Variants in SYNPO2 observed in about 807,000 individuals in gnomAD.
The protein encoded by SYNPO2 is synaptopodin 2, also known as synaptopodin-2.
A neutral mutation model predicts 85.0 loss-of-function variants in SYNPO2; 56 were observed. The ratio of observed to expected loss-of-function variants is 0.66; its 90% CI spans 0.53 to 0.82. SYNPO2 has a LOEUF of 0.82. Among genes scored for constraint, SYNPO2 ranks in the 40% least tolerant of loss-of-function variants. The probability of loss-of-function intolerance (pLI) is 0.00; values close to 1 mark genes in which losing one functional copy is unlikely to be tolerated. For missense variants in SYNPO2, 1,575 were observed against 1,534.2 expected, an observed-to-expected ratio of 1.03 and a Z score of -0.44; for synonymous variants, 602 against 591.1, an observed-to-expected ratio of 1.02 and a Z score of -0.27.
At chr4:118,910,878 A>G (rs1733112866) in intron 1 of SYNPO2, among the ~76,000 whole-genome samples, 1 of 151,654 alleles carries the variant, frequency 6.6e-6, no homozygotes, top group South Asian at 2.1e-4. Flanking sequence ...TGTTTTCATG[A>G]CTCCTCTCCC....
intron 1 of SYNPO2, among the ~76,000 whole-genome samples, chr4:119,010,453 G>A (rs1052427340): frequency 6.6e-6 from 1 of 152,142 alleles, no homozygotes; most frequent in African/African-American, 2.4e-5. Context: ...TCACTACCAT[G>A]AGAACAATAT....
chr4:118,900,748 T>TATCTATCTATCTATC (rs1732724538), intron 1 of SYNPO2, among the ~76,000 whole-genome samples: 8 of 135,456 alleles, frequency 5.9e-5, no homozygotes, highest in Admixed American at 5.9e-4. Flanking sequence ...TCTGTCTATC[T>TATCTATCTATCTATC]ATCTATCTAT....
At chr4:118,996,431 T>C (rs1736596009) in intron 1 of SYNPO2, among the ~76,000 whole-genome samples, 1 of 152,184 alleles carries the variant, frequency 6.6e-6, no homozygotes, top group South Asian at 2.1e-4. Flanking sequence ...CCACCCCTAC[T>C]AGCCTGAGTA....
chr4:119,041,296 C>T (rs746661708), intron 4 of SYNPO2, among the ~76,000 whole-genome samples: 4 of 152,170 alleles, frequency 2.6e-5, no homozygotes, highest in Admixed American at 6.5e-5. Flanking sequence ...AAAACTAGGC[C>T]TCTTACTGTA....
chr4:118,967,860 CAAAAAA>C (rs34878457), intron 1 of SYNPO2, among the ~76,000 whole-genome samples: 1 of 145,242 alleles, frequency 6.9e-6, no homozygotes. Flanking sequence ...ATCTTTATAC[CAAAAAA>C]AAAAAAAAAA....
intron 1 of SYNPO2, among the ~76,000 whole-genome samples, chr4:118,853,899 C>A (rs1402836043): frequency 6.6e-6 from 1 of 152,186 alleles, no homozygotes; most frequent in Middle Eastern, 3.2e-3. Flanking sequence ...GGATACCATA[C>A]TTTGTACAGA....
intron 1 of SYNPO2, among the ~76,000 whole-genome samples, chr4:118,905,130 T>C (rs567791055): frequency 6.6e-6 from 1 of 152,314 alleles, no homozygotes; most frequent in Non-Finnish European, 1.5e-5. Flanking sequence ...ACTAGGTTAC[T>C]GTGGGTCCCT....
intron 1 of SYNPO2, among the ~76,000 whole-genome samples, chr4:118,910,816 C>G (rs982141521): frequency 6.6e-6 from 1 of 152,078 alleles, no homozygotes; most frequent in Non-Finnish European, 1.5e-5. Flanking sequence ...TTTATGTACC[C>G]AACTACTTTT....
chr4:119,012,414 A>T (rs1341337607), intron 1 of SYNPO2, among the ~76,000 whole-genome samples: 2 of 109,558 alleles, frequency 1.8e-5, no homozygotes, highest in Admixed American at 1.2e-4. Context: ...AAGTTCTGGG[A>T]TACATGTGCA....
upstream of SYNPO2, among the ~76,000 whole-genome samples, chr4:118,885,210 T>C (rs114808303): frequency 7.8e-3 from 1,183 of 152,310 alleles, 18 homozygotes; most frequent in African/African-American, 0.026. Context: ...AGGCAGAAAG[T>C]GTTTCCATGT....
At position 119,027,399 on chromosome 4, in the gene SYNPO2, G is replaced by T; in HGVS notation, c.1030G>T (p.Asp344Tyr). 1 of 1,611,740 alleles carries T rather than the reference G, an allele frequency of 6.2e-7. No homozygotes were observed. The highest frequency in any genetic ancestry group is 8.5e-7 in the Non-Finnish European group (1 of 1,179,028). Reference sequence around the variant, plus strand: ...GGGAGAAGATCCACGCTCGGAAAAAGATCACAGCAGACCTCACAAGCACCG... The same window carrying T: ...GGGAGAAGATCCACGCTCGGAAAAATATCACAGCAGACCTCACAAGCACCG... ...EQGEDPRSEK[D>Y]HSRPHKHRAR... Residue 344 changes from aspartate (D) to tyrosine (Y), a missense_variant, in exon 3 of 5, where the codon GAT becomes TAT. Asp to Tyr is a radical substitution (Grantham distance 160). This residue lies in a region of SYNPO2 where 1,508 missense variants were observed against 1,446.8 expected (regional missense o/e 1.04). Transcript: ENST00000307142.
rs1332771157 is a variant in SYNPO2, at chr4:119,032,015, T to A, written c.3240T>A (p.Gly1080=). The change falls in exon 4 of 5, where the codon GGT becomes GGA. Residue 1080 remains glycine, a synonymous_variant. Coordinates refer to ENST00000307142, the MANE Select transcript of SYNPO2 (RefSeq NM_133477.3). ...CAAAGTTCTCAGCCAAGAAAAGTGG[T>A]GTCACAATTCAGGTGTGGAAACCAT... The part of the protein sequence containing the change: ...PRPKFSAKKS[G]VTIQESGRSL... The A allele has an allele frequency of 6.2e-7, 1 of 1,614,018 alleles. No individual in the cohort carries two copies. Among genetic ancestry groups the A allele is most frequent in the African/African-American group, 1.3e-5 (1 of 74,940 alleles).
intron 1 of SYNPO2, among the ~76,000 whole-genome samples, chr4:118,924,302 G>A (rs182724261): frequency 6.6e-6 from 1 of 152,248 alleles, no homozygotes; most frequent in East Asian, 1.9e-4. Flanking sequence ...GGCCGGAAAG[G>A]GTCAAATGTT....
intron 1 of SYNPO2, among the ~76,000 whole-genome samples, chr4:118,936,293 A>C (rs538344119): frequency 3.3e-5 from 5 of 152,260 alleles, no homozygotes; most frequent in South Asian, 2.1e-4. Flanking sequence ...TAAGCAATGC[A>C]TGACTGTATA....
At chr4:118,986,640 A>G (rs900525808) in intron 1 of SYNPO2, among the ~76,000 whole-genome samples, 3 of 152,208 alleles carry the variant, frequency 2.0e-5, no homozygotes, top group African/African-American at 7.2e-5. Flanking sequence ...GATTTAGTCT[A>G]TGATTTAGAC....
intron 1 of SYNPO2, among the ~76,000 whole-genome samples, chr4:119,012,393 T>TTTTA (rs1553946399): frequency 0.28 from 36,487 of 129,698 alleles, 4,184 homozygotes; most frequent in Admixed American, 0.39. Flanking sequence ...TTTTTTTTTT[T>TTTTA]ATTTTACTTT....
chr4:118,905,185 G>A (rs1732891575), intron 1 of SYNPO2, among the ~76,000 whole-genome samples: 1 of 152,106 alleles, frequency 6.6e-6, no homozygotes, highest in South Asian at 2.1e-4. Context: ...ATTCAATTAA[G>A]GATCCCATCA....
At chr4:119,003,229 G>A (rs1211690358) in intron 1 of SYNPO2, among the ~76,000 whole-genome samples, 1 of 152,130 alleles carries the variant, frequency 6.6e-6, no homozygotes, top group Non-Finnish European at 1.5e-5. Context: ...AAGGCAAAGG[G>A]GAAGCAAGCA....
chr4:118,975,798 T>C (rs1348349494), intron 1 of SYNPO2, among the ~76,000 whole-genome samples: 1 of 152,182 alleles, frequency 6.6e-6, no homozygotes, highest in African/African-American at 2.4e-5. Context: ...GCTAAGAATA[T>C]GTGCTCCACA....
Sources: allele counts gnomAD v4.1 joint callset (sites outside exome capture counted in the v4.1 genomes callset), GRCh38; gene constraint gnomAD v4.1.1; regional missense constraint gnomAD v4.1.1; transcripts MANE v1.5; gene names NCBI Gene and HGNC (gene_info 2026-07-23, HGNC 2026-07-21).